RPH3AL: variants seen among roughly 807,000 people sequenced by gnomAD.
RPH3AL encodes rabphilin 3A like (without C2 domains).
In RPH3AL, 38 loss-of-function variants were observed where a neutral mutation model predicts 43.1. The ratio of observed to expected loss-of-function variants is 0.88; its 90% CI spans 0.68 to 1.15. The LOEUF (loss-of-function observed/expected upper bound fraction) is 1.15. Among genes scored for constraint, RPH3AL ranks in the 50% most tolerant of loss-of-function variants. The probability of loss-of-function intolerance (pLI) is 0.00; values close to 1 mark genes in which losing one functional copy is unlikely to be tolerated. For synonymous variants in RPH3AL, 189 were observed against 176.3 expected (o/e 1.07, Z -0.57); for missense variants, 462 against 423.2 (o/e 1.09, Z -0.81).
rs188974321 is a variant in RPH3AL, at chr17:350,225, G to A, written c.-213+2487C>T. Among the ~76,000 whole-genome samples, 396 of 152,278 alleles carry A rather than the reference G, an allele frequency of 2.6e-3. 5 individuals are homozygous for A. Among genetic ancestry groups the A allele is most frequent in the Admixed American group, 0.018 (277 of 15,296 alleles). ...TTCCAGGCTGGGCGCGGTGGCTCAC[G>A]CCTGTAATCCTAGCACTTTGGGAGG... On this transcript the variant is annotated intron_variant, in intron 1 of 9. Coordinates refer to ENST00000331302, the MANE Select transcript of RPH3AL (RefSeq NM_006987.4).
rs1189422660 is a variant in RPH3AL, at chr17:246,027, C to T, written c.613+1084G>A. Among the ~76,000 whole-genome samples, 3 of 152,262 alleles carry T rather than the reference C, an allele frequency of 2.0e-5. No homozygotes were observed. The highest frequency in any genetic ancestry group is 1.9e-4 in the East Asian group (1 of 5,186). The stretch of plus-strand genomic sequence containing the variant: ...AGGCTGCACACCAAGGCACAGATGC[C>T]GACCTACCTGGCAGGTCCACGTATG... On this transcript the variant is annotated intron_variant, in intron 7 of 9. Coordinates refer to ENST00000331302, the MANE Select transcript of RPH3AL (RefSeq NM_006987.4). This position sits in a 1 kb window ranked among gnomAD's most constrained non-coding sequence, Gnocchi z 4.8.
At chr17:231,921 C>A (rs992776725) in intron 7 of RPH3AL, among the ~76,000 whole-genome samples, 3 of 152,240 alleles carry the variant, frequency 2.0e-5, no homozygotes, top group African/African-American at 7.2e-5. Flanking sequence ...AGGAGGCCCA[C>A]GACAGGCAGG....
intron 1 of RPH3AL, among the ~76,000 whole-genome samples, chr17:351,288 C>T (rs1211293221): frequency 1.3e-5 from 2 of 152,288 alleles, no homozygotes; most frequent in South Asian, 4.2e-4. Context: ...GTATCCACTA[C>T]ACATAAACGA....
intron 2 of RPH3AL, among the ~76,000 whole-genome samples, chr17:329,493 T>C (rs2044697291): frequency 6.6e-6 from 1 of 152,152 alleles, no homozygotes; most frequent in African/African-American, 2.4e-5. Flanking sequence ...TATATAGATA[T>C]ACATATATTC....
chr17:232,826 C>T (rs889090897), intron 7 of RPH3AL, among the ~76,000 whole-genome samples: 2 of 130,576 alleles, frequency 1.5e-5, no homozygotes, highest in African/African-American at 2.9e-5. Context: ...CAGTCCTTTC[C>T]GGCGTGTGTG....
rs1567580423 is a variant in RPH3AL at position 245,305 on chromosome 17, G to GTGGA, written c.613+1805_613+1806insTCCA. ...TGTACGTGGGTGTGTGTGTGGATGT[G>GTGGA]TGTGTGGATGTGGATGTCAGTGTGT... On this transcript the variant is annotated intron_variant, in intron 7 of 9. Coordinates refer to ENST00000331302, the MANE Select transcript of RPH3AL (RefSeq NM_006987.4). This position sits in a 1 kb window ranked among gnomAD's most constrained non-coding sequence, Gnocchi z 5.9. Among the ~76,000 whole-genome samples the GTGGA allele has an allele frequency of 4.6e-5, 7 of 151,476 alleles. No homozygotes were observed. The highest frequency in any genetic ancestry group is 1.7e-4 in the African/African-American group (7 of 41,182).
At chr17:315,085 TGAATTGTAGTCCCTGTGACCCCACC>T in intron 5 of RPH3AL, among the ~76,000 whole-genome samples, 1 of 148,018 alleles carries the variant, frequency 6.8e-6, no homozygotes, top group Non-Finnish European at 1.5e-5. Flanking sequence ...CCACCTCCAC[TGAATTGTAGTCCCTGTGACCCCACC>T]TCCATTGACC....
chr17:295,051 C>T (rs112735455), intron 5 of RPH3AL, among the ~76,000 whole-genome samples: 237 of 34,088 alleles, frequency 7.0e-3, no homozygotes, highest in Middle Eastern at 0.043. Context: ...CAGAAATGGA[C>T]GGGCAGAGGG....
At chr17:292,550 G>A (rs375701678) in intron 5 of RPH3AL, among the ~76,000 whole-genome samples, 3 of 152,170 alleles carry the variant, frequency 2.0e-5, no homozygotes, top group African/African-American at 7.2e-5. Flanking sequence ...GCAGCTCGAC[G>A]TGGGGACCTG....
intron 7 of RPH3AL, among the ~76,000 whole-genome samples, chr17:228,524 T>C (rs530427347): frequency 5.9e-5 from 9 of 152,122 alleles, no homozygotes; most frequent in Non-Finnish European, 1.3e-4. Context: ...GCCCACACCA[T>C]GCAGCACAGG....
At chr17:331,374 A>G (rs1446540853) in intron 2 of RPH3AL, 1 of 235,594 alleles carries the variant, frequency 4.2e-6, no homozygotes, top group South Asian at 3.1e-5. Context: ...GGGCAGGTTC[A>G]TCACTGATGG....
rs1295900056 is a variant in RPH3AL, at chr17:289,877, G to C, written c.352-8023C>G. 1.3e-5 allele frequency among the ~76,000 whole-genome samples: 2 copies of C among 152,160 alleles called. No individual in the cohort carries two copies. Among genetic ancestry groups the C allele is most frequent in the African/African-American group, 4.8e-5 (2 of 41,436 alleles). On this transcript the variant is annotated intron_variant, in intron 5 of 9. Coordinates refer to ENST00000331302, the MANE Select transcript of RPH3AL (RefSeq NM_006987.4). This position sits in a 1 kb window ranked among gnomAD's most constrained non-coding sequence, Gnocchi z 5.2. ...TTCCGCAACACTCCTTCCACAATGA[G>C]AGCCTCCAGAATGGGCTCCTGCCTC...
At chr17:263,131 A>G (rs1555546851) in intron 6 of RPH3AL, among the ~76,000 whole-genome samples, 1 of 152,204 alleles carries the variant, frequency 6.6e-6, no homozygotes, top group African/African-American at 2.4e-5. Context: ...AAATTCTGGC[A>G]ATCTACAACT....
intron 5 of RPH3AL, among the ~76,000 whole-genome samples, chr17:291,464 G>C (rs1175737147): frequency 6.6e-6 from 1 of 152,134 alleles, no homozygotes; most frequent in African/African-American, 2.4e-5. Flanking sequence ...GTTGAAATCG[G>C]CAGGTGAGCT....
intron 5 of RPH3AL, among the ~76,000 whole-genome samples, chr17:305,528 C>T (rs1392937300): frequency 6.6e-6 from 1 of 152,152 alleles, no homozygotes; most frequent in Non-Finnish European, 1.5e-5. Flanking sequence ...CCTCCCACAT[C>T]GGGTGACCTG....
intron 6 of RPH3AL, among the ~76,000 whole-genome samples, chr17:249,172 G>A (rs1479347177): frequency 1.3e-5 from 2 of 152,074 alleles, no homozygotes; most frequent in African/African-American, 2.4e-5. Context: ...TAAATTCAGG[G>A]TATTTAGTCA....
intron 1 of RPH3AL, among the ~76,000 whole-genome samples, chr17:337,719 G>A (rs971203965): frequency 4.6e-5 from 7 of 152,250 alleles, no homozygotes; most frequent in South Asian, 2.1e-4. Flanking sequence ...GGGTGCTGAC[G>A]AGGCACCAGG....
At chr17:337,455 T>G (rs1398214180) in intron 1 of RPH3AL, among the ~76,000 whole-genome samples, 1 of 152,170 alleles carries the variant, frequency 6.6e-6, no homozygotes, top group East Asian at 1.9e-4. Flanking sequence ...TCAGCCTCGC[T>G]GGCCTCCTTA....
chr17:235,531 C>T lies in RPH3AL; in HGVS notation c.613+11580G>A, dbSNP rs112817705. On this transcript the variant is annotated intron_variant, in intron 7 of 9. Transcript: ENST00000331302. ...TCAAAGCTGGGGTCGGCGGAGGCTC[C>T]ACACTAACAAGACGGGTCCCGGGTT... 7.7e-3 allele frequency among the ~76,000 whole-genome samples: 489 copies of T among 63,204 alleles called. 10 individuals carry two copies. The highest frequency in any genetic ancestry group is 0.036 in the Middle Eastern group (2 of 56). 41.5% of individuals were successfully genotyped at this position (63,204 alleles called of 152,430 possible).
Sources: allele counts gnomAD v4.1 joint callset (sites outside exome capture counted in the v4.1 genomes callset), GRCh38; gene constraint gnomAD v4.1.1; non-coding constraint Gnocchi (gnomAD v3.1); transcripts MANE v1.5; gene names NCBI Gene and HGNC (gene_info 2026-07-23, HGNC 2026-07-21).